The following AP2B1 variants were observed in gnomAD, a reference collection of about 807,000 sequenced individuals.
AP2B1 encodes the protein adaptor related protein complex 2 subunit beta 1.
AP2B1 carries 23 observed loss-of-function variants against 102.0 expected under a neutral mutation model. That is an observed-to-expected ratio of 0.23 (90% CI 0.16 to 0.32). AP2B1 has a LOEUF of 0.32. Ranked by LOEUF, AP2B1 falls within the 10% of genes least tolerant of loss-of-function variation. The pLI is 1.00. For missense variants in AP2B1, 541 were observed against 1,157.4 expected, an observed-to-expected ratio of 0.47 and a Z score of 7.73; for synonymous variants, 381 against 421.2, an observed-to-expected ratio of 0.90 and a Z score of 1.17.
chr17:35,594,141 C>T (rs225305), intron 2 of AP2B1, 74 bp downstream of exon 2: 835,739 of 998,468 alleles, frequency 0.84, 350,973 homozygotes, highest in East Asian at 0.97. Context: ...AGGCAGAATG[C>T]TGCTGACCTC....
chr17:35,711,267 G>T (rs781959311), intron 20 of AP2B1, among the ~76,000 whole-genome samples: 1 of 152,004 alleles, frequency 6.6e-6, no homozygotes. Context: ...TGCTTGGTCG[G>T]TACCTCCTCT....
chr17:35,605,348 A>T (rs563792500), intron 3 of AP2B1, among the ~76,000 whole-genome samples: 2 of 151,604 alleles, frequency 1.3e-5, no homozygotes, highest in East Asian at 3.9e-4. Context: ...TCCCAGGTTC[A>T]AACGATTCTC....
rs766004486 is a variant in AP2B1 at position 35,682,673 on chromosome 17, A to G, written c.2325-22A>G. 4.4e-6 allele frequency: 7 copies of G among 1,598,660 alleles called. No homozygotes were observed. In the Admixed American group the frequency reaches 1.0e-4, roughly 23 times the overall value. On this transcript the variant is annotated intron_variant, in intron 17 of 21. Transcript: ENST00000610402. ...TTCTGCCTCTTGATTAACCTCTGTG[A>G]TTTATGTATCCTCTCTTCTAGCTTT... is the stretch of plus-strand genomic sequence containing the variant.
At chr17:35,686,168 G>A (rs1278153315) in intron 18 of AP2B1, among the ~76,000 whole-genome samples, 1 of 152,206 alleles carries the variant, frequency 6.6e-6, no homozygotes, top group East Asian at 1.9e-4. Flanking sequence ...GACATCGACT[G>A]TAAAAGCTTT....
chr17:35,594,143 G>T, intron 2 of AP2B1, 76 bp downstream of exon 2: 1 of 895,536 alleles, frequency 1.1e-6, no homozygotes, highest in Non-Finnish European at 1.7e-6. Flanking sequence ...GCAGAATGCT[G>T]CTGACCTCTT....
intron 4 of AP2B1, 155 bp from the exon 5 acceptor site, chr17:35,607,987 A>T: frequency 1.2e-6 from 1 of 867,306 alleles, no homozygotes; most frequent in Non-Finnish European, 1.7e-6. Flanking sequence ...TAAGATTTGT[A>T]CTTAGGAAAG....
chr17:35,627,554 C>T (rs376535470), intron 8 of AP2B1, 49 bp downstream of exon 8: 4 of 1,613,098 alleles, frequency 2.5e-6, no homozygotes, highest in Non-Finnish European at 2.5e-6. Context: ...CTCTTAAGGT[C>T]TGGCCTTTAA....
chr17:35,620,425 A>G (rs2074141626), intron 5 of AP2B1, among the ~76,000 whole-genome samples: 1 of 152,170 alleles, frequency 6.6e-6, no homozygotes, highest in Non-Finnish European at 1.5e-5. Context: ...AGCCTGGGTG[A>G]CGGGCAAGAC....
chr17:35,628,361 G>A (rs1445565003), intron 9 of AP2B1, among the ~76,000 whole-genome samples: 1 of 152,246 alleles, frequency 6.6e-6, no homozygotes, highest in South Asian at 2.1e-4. Flanking sequence ...CAGCACTTTG[G>A]GAGGCCAAGG....
chr17:35,600,616 G>C (rs944325034), intron 3 of AP2B1, among the ~76,000 whole-genome samples: 1 of 151,810 alleles, frequency 6.6e-6, no homozygotes, highest in African/African-American at 2.4e-5. Context: ...ATTAAAGAGA[G>C]TTGCAAAAAA....
chr17:35,659,875 A>G, intron 14 of AP2B1: 1 of 985,352 alleles, frequency 1.0e-6, no homozygotes, highest in Non-Finnish European at 1.2e-6. Context: ...TTGGATCCGT[A>G]TGTGGTTAAA....
At chr17:35,616,310 G>A (rs1279894517) in intron 5 of AP2B1, among the ~76,000 whole-genome samples, 2 of 151,378 alleles carry the variant, frequency 1.3e-5, no homozygotes, top group African/African-American at 2.4e-5. Flanking sequence ...GACTACAGGC[G>A]CCCACCACTA....
chr17:35,698,390 G>C (rs1303432110), intron 18 of AP2B1, among the ~76,000 whole-genome samples: 2 of 152,108 alleles, frequency 1.3e-5, no homozygotes, highest in Non-Finnish European at 2.9e-5. Context: ...GCTTACTGCA[G>C]CCTTGACCTC....
chr17:35,648,743 AGTGTGTGTGTGTGT>A (rs10668040), intron 12 of AP2B1, among the ~76,000 whole-genome samples: 11,163 of 148,678 alleles, frequency 0.075, 485 homozygotes, highest in Middle Eastern at 0.12. Flanking sequence ...ATATGAAATA[AGTGTGTGTGTGTGT>A]GTGTGTGTGT....
chr17:35,596,620 C>T (rs994591948), intron 2 of AP2B1, among the ~76,000 whole-genome samples: 4 of 151,992 alleles, frequency 2.6e-5, no homozygotes, highest in Admixed American at 2.6e-4. Flanking sequence ...GTCGCTCACT[C>T]GGGTGGCGGC....
chr17:35,692,362 G>A (rs1194006488), intron 18 of AP2B1, among the ~76,000 whole-genome samples: 1 of 152,154 alleles, frequency 6.6e-6, no homozygotes, highest in Non-Finnish European at 1.5e-5. Flanking sequence ...TTATAAGCTA[G>A]GAGTTAATGA....
At chr17:35,693,571 C>T (rs1168694000) in intron 18 of AP2B1, among the ~76,000 whole-genome samples, 4 of 151,862 alleles carry the variant, frequency 2.6e-5, no homozygotes, top group African/African-American at 9.7e-5. Flanking sequence ...GAAGAAAATC[C>T]ATTTAGAAGG....
chr17:35,676,416 G>A (rs1370551371), intron 17 of AP2B1, among the ~76,000 whole-genome samples: 1 of 151,904 alleles, frequency 6.6e-6, no homozygotes, highest in East Asian at 1.9e-4. Flanking sequence ...CTTTCTATTA[G>A]CATAATGCTT....
intron 3 of AP2B1, among the ~76,000 whole-genome samples, chr17:35,604,655 G>A (rs1157805093): frequency 6.6e-6 from 1 of 152,140 alleles, no homozygotes; most frequent in Non-Finnish European, 1.5e-5. Context: ...CTACTTAGGA[G>A]GCTGACACAT....
Sources: allele counts gnomAD v4.1 joint callset (sites outside exome capture counted in the v4.1 genomes callset), GRCh38; gene constraint gnomAD v4.1.1; transcripts MANE v1.5; gene names NCBI Gene and HGNC (gene_info 2026-07-23, HGNC 2026-07-21).